PARD3B: variants seen among roughly 807,000 people sequenced by gnomAD.
PARD3B encodes the protein partitioning defective 3 homolog B.
In PARD3B, 103 loss-of-function variants were observed where a neutral mutation model predicts 130.2. That is an observed-to-expected ratio of 0.79 (90% CI 0.67 to 0.93). The LOEUF (loss-of-function observed/expected upper bound fraction) is 0.93, where lower values mean the gene tolerates loss of function less well. Ranked by LOEUF, PARD3B falls within the 40% of genes least tolerant of loss-of-function variation. The pLI is 0.00. For synonymous variants in PARD3B, 583 were observed against 553.2 expected (o/e 1.05, Z -0.76); for missense variants, 1,609 against 1,499.2 (o/e 1.07, Z -1.21).
At chr2:205,025,441 A>G (rs1696943718) in intron 3 of PARD3B, among the ~76,000 whole-genome samples, 1 of 152,126 alleles carries the variant, frequency 6.6e-6, no homozygotes, top group South Asian at 2.1e-4. Context: ...ATCATGGCTA[A>G]GTTTTATTAT....
rs1329599625 is a variant in PARD3B at position 204,545,812 on chromosome 2, T to A, written c.-188T>A. On this transcript the variant is annotated 5_prime_UTR_variant, in exon 1 of 23. Transcript: ENST00000406610. The stretch of plus-strand genomic sequence containing the variant: ...CTTTCCGCGGCCGCCCCTCCCCGAT[T>A]CCCGCCACCTGCCGCCTGGCCAGGT... 2.4e-5 allele frequency: 14 copies of A among 572,430 alleles called. No homozygotes were observed. The Middle Eastern group carries it at 1.4e-3, about 59-fold the overall frequency. 35.5% of individuals were successfully genotyped at this position (572,430 alleles called of 1,614,324 possible).
rs1351114620 is a variant in PARD3B, at chr2:204,675,936, A to G, written c.121-10245A>G. On this transcript the variant is annotated intron_variant, in intron 1 of 22. Coordinates refer to ENST00000406610, the MANE Select transcript of PARD3B (RefSeq NM_001302769.2). The surrounding 1 kb of genome is among the most constrained non-coding windows in gnomAD (Gnocchi z 4.4). Reference sequence around the variant, plus strand: ...ATACATCAGAAGAAAACAACTATTAATACCTTTTCTATGGCTTAACCTTTG... The same window carrying G: ...ATACATCAGAAGAAAACAACTATTAGTACCTTTTCTATGGCTTAACCTTTG... 5.3e-5 allele frequency among the ~76,000 whole-genome samples: 8 copies of G among 151,844 alleles called. No homozygotes were observed. Among genetic ancestry groups the G allele is most frequent in the East Asian group, 1.9e-4 (1 of 5,130 alleles).
In PARD3B at chr2:205,505,634, A is replaced by G. The variant is rs138182128; in HGVS notation, c.3180+5603A>G. Among the ~76,000 whole-genome samples the G allele has an allele frequency of 3.3e-3, 499 of 152,342 alleles. 3 individuals are homozygous for G. In the Middle Eastern group the frequency reaches 0.044, roughly 13 times the overall value. On this transcript the variant is annotated intron_variant, in intron 21 of 22. Transcript: ENST00000406610. ...GCTGTGAAGTGTTAATATTTGCCAG[A>G]GGAAAACATAATACCTGTTATCTGC...
At chr2:205,474,585 G>A (rs2048962689) in intron 20 of PARD3B, among the ~76,000 whole-genome samples, 1 of 152,074 alleles carries the variant, frequency 6.6e-6, no homozygotes, top group African/African-American at 2.4e-5. Context: ...GGATGTTTCA[G>A]AGTTTTCAGT....
chr2:205,529,551 G>A (rs1344891459), intron 21 of PARD3B, among the ~76,000 whole-genome samples: 1 of 151,634 alleles, frequency 6.6e-6, no homozygotes, highest in Non-Finnish European at 1.5e-5. Context: ...AAAACGTTAC[G>A]TAAAAGCTGC....
rs548984261 is a variant in PARD3B at position 205,067,988 on chromosome 2, TTTAG to T, written c.504+20302_504+20305del. Among the ~76,000 whole-genome samples the T allele has an allele frequency of 4.7e-3, 720 of 152,302 alleles. 5 individuals are homozygous for T. Among genetic ancestry groups the T allele is most frequent in the African/African-American group, 0.017 (689 of 41,558 alleles). Reference sequence around the variant, plus strand: ...ACTTTTATTTCTTGCATTGTCCCTGTTTAGTTAAAGAATTAAGGTTCATGCTTTA... The same window carrying T: ...ACTTTTATTTCTTGCATTGTCCCTGTTTAAAGAATTAAGGTTCATGCTTTA... On this transcript the variant is annotated intron_variant, in intron 4 of 22. Coordinates refer to ENST00000406610, the MANE Select transcript of PARD3B (RefSeq NM_001302769.2).
In PARD3B at chr2:205,591,282, G is replaced by T. The variant is rs1012836372; in HGVS notation, c.3261-24174G>T. On this transcript the variant is annotated intron_variant, in intron 22 of 22. Transcript: ENST00000406610. This position sits in a 1 kb window ranked among gnomAD's most constrained non-coding sequence, Gnocchi z 4.2. Reference sequence around the variant, plus strand: ...ATAGTCCATACATTTTGGGAAAGTGGTAATAACTTGCTTCATTTCCATCTG... The same window carrying T: ...ATAGTCCATACATTTTGGGAAAGTGTTAATAACTTGCTTCATTTCCATCTG... Among the ~76,000 whole-genome samples the T allele has an allele frequency of 2.0e-5, 3 of 152,164 alleles. No homozygotes were observed. Among genetic ancestry groups the T allele is most frequent in the Non-Finnish European group, 2.9e-5 (2 of 68,040 alleles).
At chr2:204,827,640 A>T (rs2043634965) in intron 2 of PARD3B, among the ~76,000 whole-genome samples, 1 of 152,236 alleles carries the variant, frequency 6.6e-6, no homozygotes, top group Non-Finnish European at 1.5e-5. Flanking sequence ...TATTAGGAAA[A>T]AGTAATCTGG....
At chr2:204,583,974 G>A (rs1398404685) in intron 1 of PARD3B, among the ~76,000 whole-genome samples, 6 of 152,250 alleles carry the variant, frequency 3.9e-5, no homozygotes, top group Admixed American at 2.6e-4. Context: ...GACCTCACTG[G>A]TAGGCTGGGC....
chr2:205,588,959 C>T (rs949757844), intron 22 of PARD3B, among the ~76,000 whole-genome samples: 1 of 152,132 alleles, frequency 6.6e-6, no homozygotes, highest in South Asian at 2.1e-4. Flanking sequence ...AACGAATTTC[C>T]ATGTTCTTGG....
intron 21 of PARD3B, among the ~76,000 whole-genome samples, chr2:205,506,510 G>A (rs868447010): frequency 1.2e-4 from 19 of 152,262 alleles, no homozygotes; most frequent in Middle Eastern, 3.4e-3. Flanking sequence ...GTACTTGGCC[G>A]CTGATCTGGA....
In PARD3B at chr2:205,230,387, G is replaced by A. The variant is rs567743649; in HGVS notation, c.2141-15391G>A. Among the ~76,000 whole-genome samples the A allele has an allele frequency of 6.2e-4, 94 of 152,292 alleles. No homozygotes were observed. Among genetic ancestry groups the A allele is most frequent in the African/African-American group, 2.1e-3 (88 of 41,566 alleles). On this transcript the variant is annotated intron_variant, in intron 15 of 22. Transcript: ENST00000406610. This position sits in a 1 kb window ranked among gnomAD's most constrained non-coding sequence, Gnocchi z 4.1. Reference sequence around the variant, plus strand: ...GGTCTGGGTTCTCCCCTTCAAAGCTGCGAGTTTCCTTCTGGCAGAGTGTGT... The same window carrying A: ...GGTCTGGGTTCTCCCCTTCAAAGCTACGAGTTTCCTTCTGGCAGAGTGTGT...
chr2:204,821,613 C>G (rs769689363), intron 2 of PARD3B, among the ~76,000 whole-genome samples: 1 of 151,480 alleles, frequency 6.6e-6, no homozygotes, highest in Non-Finnish European at 1.5e-5. Flanking sequence ...TTAATGGGAG[C>G]AGCACACTAG....
intron 3 of PARD3B, among the ~76,000 whole-genome samples, chr2:205,012,873 C>A (rs903482544): frequency 8.5e-5 from 13 of 152,150 alleles, no homozygotes; most frequent in African/African-American, 2.9e-4. Context: ...TATTATACTG[C>A]GAGATCTCAG....
intron 21 of PARD3B, among the ~76,000 whole-genome samples, chr2:205,516,828 TTCTTG>T (rs1466350051): frequency 1.3e-5 from 2 of 152,170 alleles, no homozygotes; most frequent in Non-Finnish European, 2.9e-5. Flanking sequence ...AGAGAGAGCA[TTCTTG>T]TCTTGTGACA....
At chr2:204,971,834 AT>A (rs3038727) in intron 3 of PARD3B, among the ~76,000 whole-genome samples, 26,773 of 131,084 alleles carry the variant, frequency 0.2, 2,632 homozygotes, top group East Asian at 0.38. Flanking sequence ...TTTTGTTTTA[AT>A]TTTTTTTTTT....
chr2:205,010,973 T>C (rs1695662693), intron 3 of PARD3B, among the ~76,000 whole-genome samples: 1 of 152,218 alleles, frequency 6.6e-6, no homozygotes, highest in African/African-American at 2.4e-5. Flanking sequence ...TTATCTGTTA[T>C]CCTCAGCTGT....
At chr2:205,425,892 T>C (rs1292264720) in intron 19 of PARD3B, among the ~76,000 whole-genome samples, 8 of 152,204 alleles carry the variant, frequency 5.3e-5, no homozygotes, top group Non-Finnish European at 1.2e-4. Flanking sequence ...GTTATTTGTG[T>C]GTGCACAGAG....
intron 22 of PARD3B, among the ~76,000 whole-genome samples, chr2:205,559,095 C>G (rs2053027193): frequency 6.6e-6 from 1 of 152,134 alleles, no homozygotes; most frequent in Non-Finnish European, 1.5e-5. Context: ...GTTTCCTCTA[C>G]CCAGGTGGAG....
Sources: allele counts gnomAD v4.1 joint callset (sites outside exome capture counted in the v4.1 genomes callset), GRCh38; gene constraint gnomAD v4.1.1; non-coding constraint Gnocchi (gnomAD v3.1); transcripts MANE v1.5; gene names NCBI Gene and HGNC (gene_info 2026-07-23, HGNC 2026-07-21).